PPARGC1A: variants seen among roughly 807,000 people sequenced by gnomAD.
PPARGC1A encodes the protein peroxisome proliferator-activated receptor gamma coactivator 1-alpha.
Under a neutral mutation model 88.7 loss-of-function variants are expected in PPARGC1A, and 25 were observed. The ratio of observed to expected loss-of-function variants is 0.28; its 90% confidence interval spans 0.21 to 0.39. The LOEUF is 0.39. Among genes scored for constraint, PPARGC1A ranks in the 10% least tolerant of loss-of-function variants. The probability of loss-of-function intolerance (pLI) is 1.00; values close to 1 mark genes in which losing one functional copy is unlikely to be tolerated. For synonymous variants in PPARGC1A, 363 were observed against 355.6 expected, an observed-to-expected ratio of 1.02 and a Z score of -0.24; for missense variants, 880 against 968.7, an observed-to-expected ratio of 0.91 and a Z score of 1.22.
At chr4:24,167,540 C>G in the PPARGC1A span, among the ~76,000 whole-genome samples, 1 of 152,062 alleles carries the variant, frequency 6.6e-6, no homozygotes, top group African/African-American at 2.4e-5. Context: ...ACAGAGAACT[C>G]CTTGGTGAAA....
the PPARGC1A span, among the ~76,000 whole-genome samples, chr4:24,257,624 A>T: frequency 6.6e-6 from 1 of 152,160 alleles, no homozygotes; most frequent in Non-Finnish European, 1.5e-5. Flanking sequence ...CCTGGACTGT[A>T]ACCTGGTTAA....
At chr4:24,004,299 T>A in the PPARGC1A span, among the ~76,000 whole-genome samples, 2 of 151,882 alleles carry the variant, frequency 1.3e-5, no homozygotes, top group Non-Finnish European at 2.9e-5. Flanking sequence ...AGTCCAAACA[T>A]CCTCCTGTTT....
At chr4:24,120,427 G>T in the PPARGC1A span, among the ~76,000 whole-genome samples, 2 of 152,148 alleles carry the variant, frequency 1.3e-5, no homozygotes, top group Non-Finnish European at 2.9e-5. Flanking sequence ...GTACTTATTA[G>T]GTACTGATTC....
At chr4:24,317,502 T>C in the PPARGC1A span, among the ~76,000 whole-genome samples, 1 of 127,730 alleles carries the variant, frequency 7.8e-6, no homozygotes, top group Non-Finnish European at 1.6e-5. Flanking sequence ...AGAATGGAAG[T>C]CCAAAAGCCC....
the PPARGC1A span, among the ~76,000 whole-genome samples, chr4:24,068,860 T>G: frequency 6.6e-6 from 1 of 152,154 alleles, no homozygotes; most frequent in Admixed American, 6.5e-5. Context: ...ACCCTCATGG[T>G]ACCATCATGG....
At chr4:24,098,496 C>A in the PPARGC1A span, among the ~76,000 whole-genome samples, 2 of 152,092 alleles carry the variant, frequency 1.3e-5, no homozygotes, top group Admixed American at 6.5e-5. Flanking sequence ...CATAATAAAC[C>A]AGGAAGGACT....
the PPARGC1A span, among the ~76,000 whole-genome samples, chr4:24,431,209 T>C: frequency 6.6e-6 from 1 of 151,148 alleles, no homozygotes; most frequent in East Asian, 1.9e-4. Flanking sequence ...AGTCACAGAA[T>C]TGACTGCCAT....
chr4:24,011,411 T>G, the PPARGC1A span, among the ~76,000 whole-genome samples: 2 of 152,058 alleles, frequency 1.3e-5, no homozygotes, highest in East Asian at 3.9e-4. Flanking sequence ...AGACACATAT[T>G]AGAGACTCTC....
chr4:23,856,431 G>C (rs751547860), intron 2 of PPARGC1A, among the ~76,000 whole-genome samples: 1 of 152,114 alleles, frequency 6.6e-6, no homozygotes, highest in African/African-American at 2.4e-5. Context: ...AGAGAGGCCC[G>C]GGCCATGCTC....
chr4:24,254,946 T>C, the PPARGC1A span, among the ~76,000 whole-genome samples: 2 of 152,194 alleles, frequency 1.3e-5, no homozygotes, highest in Non-Finnish European at 2.9e-5. Flanking sequence ...ATTTTTGGAA[T>C]GCTTCATTCA....
the PPARGC1A span, among the ~76,000 whole-genome samples, chr4:24,188,933 T>C: frequency 6.6e-6 from 1 of 152,106 alleles, no homozygotes; most frequent in Non-Finnish European, 1.5e-5. Flanking sequence ...CAAAATGTAG[T>C]GTATCCACAC....
chr4:24,142,434 A>C, the PPARGC1A span, among the ~76,000 whole-genome samples: 1 of 151,718 alleles, frequency 6.6e-6, no homozygotes, highest in South Asian at 2.1e-4. Flanking sequence ...GCACTTTGGA[A>C]GGCTGAGGCA....
At chr4:24,372,794 T>C in the PPARGC1A span, among the ~76,000 whole-genome samples, 1 of 152,234 alleles carries the variant, frequency 6.6e-6, no homozygotes, top group Non-Finnish European at 1.5e-5. Context: ...TAATAATAGC[T>C]ATTTCATGGA....
the PPARGC1A span, among the ~76,000 whole-genome samples, chr4:24,386,563 T>C: frequency 7.9e-5 from 12 of 152,278 alleles, no homozygotes; most frequent in Admixed American, 3.3e-4. Context: ...ACAAAGTCAA[T>C]GTGCACAAAT....
At chr4:24,352,280 C>T in the PPARGC1A span, among the ~76,000 whole-genome samples, 1 of 152,102 alleles carries the variant, frequency 6.6e-6, no homozygotes, top group African/African-American at 2.4e-5. Context: ...AAAGGCATCA[C>T]TCCAACAGAA....
the PPARGC1A span, among the ~76,000 whole-genome samples, chr4:24,278,238 C>T: frequency 3.9e-5 from 6 of 152,062 alleles, no homozygotes; most frequent in South Asian, 4.1e-4. Context: ...AACTCCTTTG[C>T]GTGGCTTCTG....
chr4:23,939,968 T>C, the PPARGC1A span, among the ~76,000 whole-genome samples: 1 of 152,204 alleles, frequency 6.6e-6, no homozygotes, highest in Non-Finnish European at 1.5e-5. Flanking sequence ...TTCCCTCACT[T>C]GGAAGTATTC....
chr4:24,342,191 C>T, the PPARGC1A span, among the ~76,000 whole-genome samples: 1 of 152,116 alleles, frequency 6.6e-6, no homozygotes, highest in Non-Finnish European at 1.5e-5. Flanking sequence ...TTGATAAATA[C>T]TTATTGACTG....
chr4:24,282,156 A>C, the PPARGC1A span, among the ~76,000 whole-genome samples: 1 of 152,206 alleles, frequency 6.6e-6, no homozygotes, highest in Non-Finnish European at 1.5e-5. Context: ...GGAAACTGAC[A>C]CTCAGAGTGG....
Sources: allele counts gnomAD v4.1 joint callset (sites outside exome capture counted in the v4.1 genomes callset), GRCh38; gene constraint gnomAD v4.1.1; transcripts MANE v1.5; gene names NCBI Gene and HGNC (gene_info 2026-07-23, HGNC 2026-07-21).